Variants in ACTL8 observed in about 807,000 individuals in gnomAD.
ACTL8 encodes actin like 8.
A neutral mutation model predicts 9.3 loss-of-function variants in ACTL8; 3 were observed. The observed-to-expected ratio is 0.32, with a 90% CI of 0.15 to 0.83. ACTL8 has a LOEUF of 0.83. Ranked by LOEUF, ACTL8 falls within the 40% of genes least tolerant of loss-of-function variation. ACTL8 has a pLI of 0.57. For missense variants in ACTL8, 381 were observed against 492.2 expected (o/e 0.77, Z 2.14); for synonymous variants, 224 against 205.9 (o/e 1.09, Z -0.75).
chr1:17,770,433 G>A (rs2066075024), intron 1 of ACTL8, among the ~76,000 whole-genome samples: 2 of 152,268 alleles, frequency 1.3e-5, no homozygotes. Flanking sequence ...AAGATTTATT[G>A]TCTCTCATAA....
intron 1 of ACTL8, among the ~76,000 whole-genome samples, chr1:17,760,903 C>G (rs1198353358): frequency 6.6e-6 from 1 of 152,162 alleles, no homozygotes; most frequent in African/African-American, 2.4e-5. Flanking sequence ...TTATTACTGG[C>G]TATAAAACCG....
intron 1 of ACTL8, among the ~76,000 whole-genome samples, chr1:17,760,946 G>A (rs1053043060): frequency 1.3e-5 from 2 of 152,186 alleles, no homozygotes; most frequent in Non-Finnish European, 2.9e-5. Context: ...GAGGGGGTAA[G>A]TGCCTCTAAT....
chr1:17,783,540 G>A (rs1271190293), intron 1 of ACTL8, among the ~76,000 whole-genome samples: 2 of 152,144 alleles, frequency 1.3e-5, no homozygotes, highest in Non-Finnish European at 2.9e-5. Flanking sequence ...TGCCGGACTA[G>A]AATAGAGGAA....
chr1:17,814,220 G>T (rs751877482), intron 1 of ACTL8, among the ~76,000 whole-genome samples: 17 of 152,172 alleles, frequency 1.1e-4, no homozygotes, highest in Non-Finnish European at 1.9e-4. Flanking sequence ...TTACTGGCTG[G>T]ATATGGTGGC....
intron 1 of ACTL8, among the ~76,000 whole-genome samples, chr1:17,774,766 C>T (rs550262284): frequency 3.9e-5 from 6 of 152,208 alleles, no homozygotes; most frequent in Admixed American, 3.3e-4. Flanking sequence ...CTCTGAGCTG[C>T]GGTAGAGGTG....
intron 1 of ACTL8, among the ~76,000 whole-genome samples, chr1:17,799,705 C>T (rs887176944): frequency 5.3e-5 from 8 of 152,110 alleles, no homozygotes; most frequent in African/African-American, 1.9e-4. Flanking sequence ...AATCTCTTCC[C>T]TTAGCTTTAT....
chr1:17,779,406 A>C (rs375288168), intron 1 of ACTL8, among the ~76,000 whole-genome samples: 4 of 152,132 alleles, frequency 2.6e-5, no homozygotes, highest in African/African-American at 9.7e-5. Flanking sequence ...CTGCTTCCCC[A>C]CATTATAGCT....
At chr1:17,780,189 C>T (rs2066145019) in intron 1 of ACTL8, among the ~76,000 whole-genome samples, 1 of 152,070 alleles carries the variant, frequency 6.6e-6, no homozygotes, top group Admixed American at 6.5e-5. Context: ...GCCTGGGCGA[C>T]AGAGTTGAGA....
intron 1 of ACTL8, among the ~76,000 whole-genome samples, chr1:17,781,070 G>A (rs897255933): frequency 1.3e-5 from 2 of 152,036 alleles, no homozygotes; most frequent in Middle Eastern, 3.2e-3. Context: ...AGTAACCTCC[G>A]AAGGCTCTGG....
chr1:17,790,999 G>C (rs1029015414), intron 1 of ACTL8, among the ~76,000 whole-genome samples: 1 of 152,166 alleles, frequency 6.6e-6, no homozygotes, highest in African/African-American at 2.4e-5. Flanking sequence ...GCCAGGCAGT[G>C]GGAGCAGGCT....
At chr1:17,778,120 C>T (rs1436375400) in intron 1 of ACTL8, among the ~76,000 whole-genome samples, 1 of 152,174 alleles carries the variant, frequency 6.6e-6, no homozygotes, top group Non-Finnish European at 1.5e-5. Context: ...CTCGTCTTAA[C>T]CAGTTTGGGG....
intron 1 of ACTL8, among the ~76,000 whole-genome samples, chr1:17,820,687 C>CG (rs926359468): frequency 6.7e-6 from 1 of 148,922 alleles, no homozygotes; most frequent in African/African-American, 2.6e-5. Flanking sequence ...CCTCCCTCAG[C>CG]CCCCCCAGTA....
chr1:17,792,809 C>T (rs989021315), intron 1 of ACTL8, among the ~76,000 whole-genome samples: 31 of 152,046 alleles, frequency 2.0e-4, no homozygotes, highest in African/African-American at 6.8e-4. Context: ...TATGGGAGAC[C>T]AAAGAGAAGG....
At chr1:17,761,414 G>A (rs1398330556) in intron 1 of ACTL8, among the ~76,000 whole-genome samples, 1 of 152,126 alleles carries the variant, frequency 6.6e-6, no homozygotes, top group Non-Finnish European at 1.5e-5. Context: ...ACAGGATGCA[G>A]GAAGTGGTCT....
chr1:17,825,079 C>T (rs1451345104), intron 2 of ACTL8, among the ~76,000 whole-genome samples: 1 of 104,380 alleles, frequency 9.6e-6, no homozygotes, highest in African/African-American at 4.0e-5. Context: ...GAATGGGGGG[C>T]AGGGGGGCTT....
At chr1:17,824,050 G>C (rs1196283224) in intron 2 of ACTL8, among the ~76,000 whole-genome samples, 2 of 152,198 alleles carry the variant, frequency 1.3e-5, no homozygotes, top group African/African-American at 4.8e-5. Context: ...TGGACTGTTG[G>C]GGGTGGGGAA....
chr1:17,805,397 T>C (rs1482304347), intron 1 of ACTL8, among the ~76,000 whole-genome samples: 1 of 105,154 alleles, frequency 9.5e-6, no homozygotes, highest in East Asian at 3.8e-4. Context: ...TTTTTTTTTT[T>C]TTTTTTGAGA....
Position 17,823,430 on chromosome 1 carries a change from C to T in ACTL8, c.348+74C>T. 2 of 1,396,720 alleles carry T rather than the reference C, an allele frequency of 1.4e-6. No homozygotes were observed. Among genetic ancestry groups the T allele is most frequent in the South Asian group, 2.7e-5 (2 of 73,358 alleles). The allele number at this position is 1,396,720 out of a possible 1,614,324, so 86.5% of individuals were successfully genotyped here. The stretch of plus-strand genomic sequence containing the variant: ...ACACTATGTCTGGACTGATTGGGCA[C>T]CAGGAATTCTGCTTTTTAAGATAAA... On this transcript the variant is annotated intron_variant, in intron 2 of 2. Transcript: ENST00000375406. This position sits in a 1 kb window ranked among gnomAD's most constrained non-coding sequence, Gnocchi z 5.3.
Position 17,780,443 on chromosome 1 carries a change from T to C in ACTL8, c.-25+24939T>C, listed in dbSNP as rs555091501. Among the ~76,000 whole-genome samples, 3 of 152,276 alleles carry C rather than the reference T, an allele frequency of 2.0e-5. No homozygotes were observed. The East Asian group carries it at 5.8e-4, about 29-fold the overall frequency. Reference sequence around the variant, plus strand: ...ATTCTTCCTTCCTTGTTCTGCTCACTGTAGCCTGGCCTCCTGCTGTGGGAT... The same window carrying C: ...ATTCTTCCTTCCTTGTTCTGCTCACCGTAGCCTGGCCTCCTGCTGTGGGAT... On this transcript the variant is annotated intron_variant, in intron 1 of 2. Coordinates refer to ENST00000375406, the MANE Select transcript of ACTL8 (RefSeq NM_030812.3).
Sources: gnomAD v4.1 joint callset for allele counts (sites outside exome capture counted in the v4.1 genomes callset) on GRCh38, gnomAD v4.1.1 for gene constraint, Gnocchi (gnomAD v3.1) non-coding constraint, MANE v1.5 for transcripts, NCBI Gene and HGNC (gene_info 2026-07-23, HGNC 2026-07-21) for gene names.